KCNG2: variants seen among roughly 807,000 people sequenced by gnomAD.
KCNG2 encodes potassium voltage-gated channel modifier subfamily G member 2.
A neutral mutation model predicts 12.3 loss-of-function variants in KCNG2; 7 were observed. The ratio of observed to expected loss-of-function variants is 0.57; its 90% confidence interval spans 0.32 to 1.07. The LOEUF is 1.07. KCNG2 is among the 50% of genes least tolerant of loss of function. KCNG2 has a pLI of 0.04. For missense variants in KCNG2, 703 were observed against 726.0 expected (o/e 0.97, Z 0.36); for synonymous variants, 414 against 351.4 (o/e 1.18, Z -1.99).
At chr18:79,838,183 T>C (rs779484684) in intron 1 of KCNG2, among the ~76,000 whole-genome samples, 1 of 152,092 alleles carries the variant, frequency 6.6e-6, no homozygotes, top group African/African-American at 2.4e-5. Flanking sequence ...TCCCTTGACA[T>C]GTGGTGATTA....
chr18:79,876,655 G>C (rs1403631771), intron 3 of KCNG2, among the ~76,000 whole-genome samples: 1 of 152,192 alleles, frequency 6.6e-6, no homozygotes, highest in Non-Finnish European at 1.5e-5. Flanking sequence ...CTGAGGGCAG[G>C]GCCAGCCCCC....
chr18:79,807,606 G>T (rs969539397), intron 1 of KCNG2, among the ~76,000 whole-genome samples: 1 of 152,118 alleles, frequency 6.6e-6, no homozygotes, highest in Non-Finnish European at 1.5e-5. Context: ...ATGCTCTCAC[G>T]CCTGGGCCAG....
chr18:79,843,763 C>T (rs867490713), intron 1 of KCNG2, among the ~76,000 whole-genome samples: 3 of 151,896 alleles, frequency 2.0e-5, no homozygotes, highest in Non-Finnish European at 2.9e-5. Flanking sequence ...TCAAAGCATA[C>T]GCTATGAAAA....
In KCNG2 at chr18:79,899,105, C is replaced by A; in HGVS notation, c.690C>A (p.Ser230=). ...AGACCGTGTGCGTGGCCTGGTTCTC[C>A]TTCGAGTTCCTGCTGCGCTCCCTGC... ...VLETVCVAWF[S]FEFLLRSLQA... The change falls in exon 4 of 4, where the codon TCC becomes TCA. Residue 230 remains serine, a synonymous_variant. Transcript: ENST00000316249. 6.2e-7 allele frequency: 1 copy of A among 1,604,098 alleles called. No individual in the cohort carries two copies. Among genetic ancestry groups the A allele is most frequent in the Non-Finnish European group, 8.5e-7 (1 of 1,177,950 alleles).
At chr18:79,876,865 CA>C (rs1262164546) in intron 3 of KCNG2, among the ~76,000 whole-genome samples, 1 of 152,202 alleles carries the variant, frequency 6.6e-6, no homozygotes, top group African/African-American at 2.4e-5. Flanking sequence ...GTGCTGGGGT[CA>C]GGGGGCCCTG....
chr18:79,899,480 C>T lies in KCNG2; in HGVS notation c.1065C>T (p.Ser355=), dbSNP rs768267531. ...TGGGCGCGCGCCGCGACTTCTCCAG[C>T]GTGCCCGCCAGCTATTGGTGGGCCG... is the stretch of plus-strand genomic sequence containing the variant. The part of the protein sequence containing the change: ...RELGARRDFS[S]VPASYWWAVI... Residue 355 remains serine (S), a synonymous_variant, in exon 4 of 4, where the codon AGC becomes AGT. Transcript: ENST00000316249. The T allele has an allele frequency of 1.6e-5, 25 of 1,607,092 alleles. No individual in the cohort carries two copies. In the Admixed American group the frequency reaches 2.4e-4, roughly 15 times the overall value.
At chr18:79,858,248 C>T (rs1024594385) in intron 2 of KCNG2, among the ~76,000 whole-genome samples, 5 of 152,132 alleles carry the variant, frequency 3.3e-5, no homozygotes, top group Non-Finnish European at 5.9e-5. Context: ...GTGATCCACC[C>T]GCCTCAGCCT....
intron 1 of KCNG2, among the ~76,000 whole-genome samples, chr18:79,852,661 G>A (rs978813253): frequency 1.3e-5 from 2 of 152,358 alleles, no homozygotes; most frequent in East Asian, 1.9e-4. Flanking sequence ...GCTCACCAGC[G>A]CCTGCACCTG....
intron 1 of KCNG2, chr18:79,816,615 A>G (rs2087530444): frequency 6.6e-6 from 1 of 152,250 alleles, no homozygotes; most frequent in Non-Finnish European, 1.5e-5. Flanking sequence ...CCCATTTCAC[A>G]TTGAATTAAA....
chr18:79,866,772 GTCTGTA>G (rs1979587723), intron 3 of KCNG2, among the ~76,000 whole-genome samples: 2 of 144,824 alleles, frequency 1.4e-5, no homozygotes, highest in African/African-American at 2.6e-5. Flanking sequence ...GTTCTGAGAG[GTCTGTA>G]TGCTGAGAGG....
chr18:79,821,286 ATTTTT>A (rs34251835), intron 1 of KCNG2, among the ~76,000 whole-genome samples: 22 of 101,822 alleles, frequency 2.2e-4, no homozygotes, highest in African/African-American at 7.2e-4. Flanking sequence ...TTTTACTTGA[ATTTTT>A]TTTTTTTTTT....
At chr18:79,897,532 C>T (rs923481934) in intron 3 of KCNG2, among the ~76,000 whole-genome samples, 1 of 152,186 alleles carries the variant, frequency 6.6e-6, no homozygotes, top group Non-Finnish European at 1.5e-5. Context: ...AAATCTCATT[C>T]AGTTAAATTT....
chr18:79,898,567 G>A (rs1036253994), intron 3 of KCNG2, among the ~76,000 whole-genome samples: 25 of 152,198 alleles, frequency 1.6e-4, no homozygotes, highest in Non-Finnish European at 3.5e-4. Context: ...GGAGCTGTGG[G>A]TGGGGTGGAG....
intron 3 of KCNG2, among the ~76,000 whole-genome samples, chr18:79,876,679 C>T (rs35614280): frequency 6.6e-6 from 1 of 152,118 alleles, no homozygotes; most frequent in East Asian, 1.9e-4. Flanking sequence ...CTCGGCACAG[C>T]TGGGTGAATC....
At chr18:79,860,866 G>A (rs1039878145) in intron 2 of KCNG2, among the ~76,000 whole-genome samples, 1 of 152,172 alleles carries the variant, frequency 6.6e-6, no homozygotes, top group Non-Finnish European at 1.5e-5. Context: ...GAACTGATGA[G>A]AGCAGGTATT....
At chr18:79,826,425 C>A (rs1978286001) in intron 1 of KCNG2, among the ~76,000 whole-genome samples, 1 of 151,656 alleles carries the variant, frequency 6.6e-6, no homozygotes, top group African/African-American at 2.4e-5. Context: ...GAGCGAGCAG[C>A]TCCTCACGGA....
chr18:79,856,581 G>T (rs1265633909), intron 2 of KCNG2, among the ~76,000 whole-genome samples, 129 bp downstream of exon 2: 2 of 152,162 alleles, frequency 1.3e-5, no homozygotes, highest in Non-Finnish European at 2.9e-5. Flanking sequence ...TGAGACTCTG[G>T]TGACTGTTGA....
intron 3 of KCNG2, among the ~76,000 whole-genome samples, chr18:79,866,709 GAA>G (rs201219462): frequency 0.033 from 3,946 of 118,982 alleles, 65 homozygotes; most frequent in Non-Finnish European, 0.052. Flanking sequence ...TGGGTGCTGA[GAA>G]GTCTGTGTGC....
At position 79,800,067 on chromosome 18, in the gene KCNG2, C is replaced by G. The variant is rs2087395333; in HGVS notation, c.-115+2053C>G. ...CTGCTTTTCTGGAAGAAGTGGGTCTCAGGCAGGCACCTGGAGGGCAGCGCG... is the reference window on the plus strand; with the variant it reads ...CTGCTTTTCTGGAAGAAGTGGGTCTGAGGCAGGCACCTGGAGGGCAGCGCG... On this transcript the variant is annotated intron_variant, in intron 1 of 3. Transcript: ENST00000316249. The surrounding 1 kb of genome is among the most constrained non-coding windows in gnomAD (Gnocchi z 4.0). Among the ~76,000 whole-genome samples the G allele has an allele frequency of 3.9e-5, 6 of 152,200 alleles. No individual in the cohort carries two copies. The South Asian group carries it at 1.2e-3, about 32-fold the overall frequency.
Sources: gnomAD v4.1 joint callset for allele counts (sites outside exome capture counted in the v4.1 genomes callset) on GRCh38, gnomAD v4.1.1 for gene constraint, Gnocchi (gnomAD v3.1) non-coding constraint, MANE v1.5 for transcripts, NCBI Gene and HGNC (gene_info 2026-07-23, HGNC 2026-07-21) for gene names.